The following KIF16B variants were observed in gnomAD, a reference collection of about 807,000 sequenced individuals.
KIF16B encodes kinesin family member 16B.
Under a neutral mutation model 156.3 loss-of-function variants are expected in KIF16B, and 98 were observed. The observed-to-expected ratio is 0.63, with a 90% CI of 0.53 to 0.74. The LOEUF (loss-of-function observed/expected upper bound fraction) is 0.74, where lower values mean the gene tolerates loss of function less well. KIF16B is among the 30% of genes least tolerant of loss of function. The probability of loss-of-function intolerance (pLI) is 0.00; values close to 1 mark genes in which losing one functional copy is unlikely to be tolerated. For missense variants in KIF16B, 1,421 were observed against 1,606.5 expected, an observed-to-expected ratio of 0.88 and a Z score of 1.97; for synonymous variants, 564 against 583.7, an observed-to-expected ratio of 0.97 and a Z score of 0.49.
intron 1 of KIF16B, among the ~76,000 whole-genome samples, chr20:16,530,995 C>G (rs190386523): frequency 1.3e-5 from 2 of 152,082 alleles, no homozygotes; most frequent in Admixed American, 6.6e-5. Context: ...GCCACCATGC[C>G]TGGTCAATAC....
intron 25 of KIF16B, among the ~76,000 whole-genome samples, chr20:16,310,990 C>CGG (rs1221623384): frequency 2.0e-5 from 3 of 152,204 alleles, no homozygotes; most frequent in Non-Finnish European, 4.4e-5. Context: ...TCTGCTCTCA[C>CGG]GGGAACCTCC....
chr20:16,558,567 CA>C (rs2070939399), intron 1 of KIF16B, among the ~76,000 whole-genome samples: 1 of 152,174 alleles, frequency 6.6e-6, no homozygotes, highest in Non-Finnish European at 1.5e-5. Context: ...GTTTACATGG[CA>C]AAAGATAAAC....
intron 25 of KIF16B, among the ~76,000 whole-genome samples, chr20:16,297,000 T>G (rs1462398929): frequency 6.6e-6 from 1 of 152,244 alleles, no homozygotes; most frequent in Non-Finnish European, 1.5e-5. Context: ...AAGCTGGAAC[T>G]TCAGTCTTTT....
chr20:16,371,621 T>C (rs1428160243), intron 21 of KIF16B, 44 bp downstream of exon 21: 2 of 1,169,074 alleles, frequency 1.7e-6, no homozygotes, highest in South Asian at 2.7e-5. Flanking sequence ...AAAAGAAAGA[T>C]GAACGAACTT....
chr20:16,494,704 C>A (rs2068396824), intron 11 of KIF16B, among the ~76,000 whole-genome samples: 1 of 152,098 alleles, frequency 6.6e-6, no homozygotes, highest in African/African-American at 2.4e-5. Flanking sequence ...TATTATACAT[C>A]AGGTCCTAAA....
At chr20:16,530,784 C>A (rs570447513) in intron 1 of KIF16B, among the ~76,000 whole-genome samples, 62 of 152,250 alleles carry the variant, frequency 4.1e-4, no homozygotes, top group African/African-American at 1.4e-3. Flanking sequence ...TCACTGCAAC[C>A]TCCACCTCCT....
At chr20:16,396,910 T>TTTTTTAG (rs57918330) in intron 17 of KIF16B, among the ~76,000 whole-genome samples, 73,012 of 151,304 alleles carry the variant, frequency 0.48, 18,673 homozygotes, top group East Asian at 0.69. Flanking sequence ...ATTTTTGATA[T>TTTTTTAG]TCTAACTGGG....
chr20:16,347,273 T>C (rs2064251542), intron 23 of KIF16B, among the ~76,000 whole-genome samples: 1 of 152,206 alleles, frequency 6.6e-6, no homozygotes, highest in Non-Finnish European at 1.5e-5. Context: ...AACGATTTTG[T>C]GATTTTAAAA....
chr20:16,364,267 G>A (rs1370786783), intron 22 of KIF16B, among the ~76,000 whole-genome samples: 1 of 152,054 alleles, frequency 6.6e-6, no homozygotes, highest in Non-Finnish European at 1.5e-5. Context: ...TGCACAAAAT[G>A]GATTTTAATC....
chr20:16,407,672 T>C (rs2065820871), intron 15 of KIF16B, among the ~76,000 whole-genome samples: 1 of 152,218 alleles, frequency 6.6e-6, no homozygotes, highest in Non-Finnish European at 1.5e-5. Flanking sequence ...TTCAGGATGT[T>C]TGAAACAGCA....
chr20:16,292,208 G>T (rs541652688), intron 25 of KIF16B, among the ~76,000 whole-genome samples: 1 of 152,156 alleles, frequency 6.6e-6, no homozygotes, highest in South Asian at 2.1e-4. Flanking sequence ...GCATTGCAGG[G>T]GATTGCTGGT....
intron 15 of KIF16B, among the ~76,000 whole-genome samples, chr20:16,412,788 A>G (rs2065991498): frequency 1.3e-5 from 2 of 152,114 alleles, no homozygotes; most frequent in Admixed American, 6.5e-5. Flanking sequence ...ACACGGCCAA[A>G]CCATATCAGA....
chr20:16,519,806 T>C (rs139434768), intron 3 of KIF16B, among the ~76,000 whole-genome samples: 13 of 152,276 alleles, frequency 8.5e-5, no homozygotes, highest in Admixed American at 2.0e-4. Context: ...GGATTTTCAA[T>C]TGAAGTACCC....
chr20:16,510,979 G>A (rs1448587945), intron 6 of KIF16B, among the ~76,000 whole-genome samples: 9 of 152,142 alleles, frequency 5.9e-5, no homozygotes, highest in Admixed American at 2.6e-4. Context: ...CACAACGAGC[G>A]TATCACAACA....
intron 12 of KIF16B, among the ~76,000 whole-genome samples, chr20:16,478,423 T>C (rs2067880464): frequency 6.6e-6 from 1 of 152,084 alleles, no homozygotes; most frequent in African/African-American, 2.4e-5. Context: ...CATGTAATAG[T>C]CCCCCTTTAT....
At chr20:16,413,794 G>A (rs2146329305) in intron 15 of KIF16B, among the ~76,000 whole-genome samples, 1 of 150,932 alleles carries the variant, frequency 6.6e-6, no homozygotes, top group South Asian at 2.1e-4. Flanking sequence ...AAGCTCAGTG[G>A]AAGAAAGGTT....
At chr20:16,297,056 G>C (rs768448268) in intron 25 of KIF16B, among the ~76,000 whole-genome samples, 7 of 152,208 alleles carry the variant, frequency 4.6e-5, no homozygotes, top group African/African-American at 1.4e-4. Context: ...CTTGGGACTT[G>C]AGCCTGCTGG....
intron 12 of KIF16B, among the ~76,000 whole-genome samples, chr20:16,452,404 A>G (rs2067106441): frequency 6.7e-6 from 1 of 148,998 alleles, no homozygotes; most frequent in Non-Finnish European, 1.5e-5. Flanking sequence ...CCCTATAAGA[A>G]AAAAAAAAAA....
chr20:16,491,908 A>G (rs1162439011), intron 12 of KIF16B, among the ~76,000 whole-genome samples: 2 of 152,220 alleles, frequency 1.3e-5, no homozygotes, highest in Non-Finnish European at 2.9e-5. Flanking sequence ...CCTGCTTTTG[A>G]GTATCCAAGA....
Sources: gnomAD v4.1 joint callset for allele counts (sites outside exome capture counted in the v4.1 genomes callset) on GRCh38, gnomAD v4.1.1 for gene constraint, MANE v1.5 for transcripts, NCBI Gene and HGNC (gene_info 2026-07-23, HGNC 2026-07-21) for gene names.